DMBT1: variants seen among roughly 807,000 people sequenced by gnomAD.
The protein encoded by DMBT1 is deleted in malignant brain tumors 1, also known as scavenger receptor cysteine-rich domain-containing protein DMBT1.
Under a neutral mutation model 252.9 loss-of-function variants are expected in DMBT1, and 198 were observed. The ratio of observed to expected loss-of-function variants is 0.78; its 90% CI spans 0.70 to 0.88. The LOEUF is 0.88. Ranked by LOEUF, DMBT1 falls within the 40% of genes least tolerant of loss-of-function variation. The pLI is 0.00. For missense variants in DMBT1, 2,432 were observed against 2,404.7 expected (o/e 1.01, Z -0.24); for synonymous variants, 990 against 942.7 (o/e 1.05, Z -0.92).
chr10:122,640,956 C>T (rs925184407), intron 55 of DMBT1, among the ~76,000 whole-genome samples: 1 of 152,174 alleles, frequency 6.6e-6, no homozygotes, highest in East Asian at 1.9e-4. Context: ...GATAATGACA[C>T]GCACATTGTA....
intron 1 of DMBT1, among the ~76,000 whole-genome samples, chr10:122,561,895 C>A (rs1470618760): frequency 1.0e-5 from 1 of 95,912 alleles, no homozygotes; most frequent in Non-Finnish European, 2.3e-5. Flanking sequence ...CTATTATCAC[C>A]TTTCTCTCTG....
chr10:122,590,789 G>C (rs2097843659), intron 18 of DMBT1, 95 bp downstream of exon 18: 1 of 1,433,728 alleles, frequency 7.0e-7, no homozygotes, highest in South Asian at 1.3e-5. Flanking sequence ...TACCTGTGTG[G>C]ATACTGTGGG....
At chr10:122,617,536 C>A (rs1402296797) in intron 40 of DMBT1, among the ~76,000 whole-genome samples, 1 of 151,586 alleles carries the variant, frequency 6.6e-6, no homozygotes, top group African/African-American at 2.4e-5. Flanking sequence ...CCTAATCCTG[C>A]TGGGACCTCT....
In DMBT1 at chr10:122,617,171, T is replaced by G. The variant is rs140439593; in HGVS notation, c.4859-57T>G. 6.0e-3 allele frequency: 9,290 copies of G among 1,560,360 alleles called. 62 individuals carry two copies. Among genetic ancestry groups the G allele is most frequent in the Non-Finnish European group, 7.4e-3 (8,459 of 1,136,712 alleles). On this transcript the variant is annotated intron_variant, in intron 39 of 55. Transcript: ENST00000338354. ...TTCCCCCTCCCAGAGAACCTTTTGT[T>G]CTGTGCCTTTTCCCTTCAAGTCTAA...
Position 122,636,206 on chromosome 10 carries a change from C to A in DMBT1, c.6757+7C>A. 6.2e-7 allele frequency: 1 copy of A among 1,609,486 alleles called. No homozygotes were observed. Among genetic ancestry groups the A allele is most frequent in the Non-Finnish European group, 8.5e-7 (1 of 1,176,418 alleles). ...CCCTCCAATGACAGCACCAGTAAGT[C>A]CCCTTGTGGAAATGCTCTGTTGGGA... On this transcript the variant is annotated splice_region_variant and intron_variant, in intron 53 of 55. Coordinates refer to ENST00000338354, the MANE Select transcript of DMBT1 (RefSeq NM_001377530.1).
At chr10:122,589,604 C>A (rs1012922283) in intron 17 of DMBT1, among the ~76,000 whole-genome samples, 2 of 148,490 alleles carry the variant, frequency 1.3e-5, no homozygotes, top group Admixed American at 6.7e-5. Flanking sequence ...AAGAAAGAGG[C>A]AGATTTGGGT....
At position 122,629,956 on chromosome 10, in the gene DMBT1, T is replaced by C. The variant is rs755440936; in HGVS notation, c.5785T>C (p.Ser1929Pro). ...AKCVWEIEVN[S>P]GYRINLGFSN... is the part of the protein sequence containing the mutation. Reference sequence around the variant, plus strand: ...GTGTGTTTGGGAAATAGAAGTGAATTCTGGTTATCGCATAAACCTGGGCTT... The same window carrying C: ...GTGTGTTTGGGAAATAGAAGTGAATCCTGGTTATCGCATAAACCTGGGCTT... The change falls in exon 47 of 56, where the codon TCT becomes CCT. Residue 1929 changes from serine (S) to proline (P), a missense_variant. Transcript: ENST00000338354. 6.2e-7 allele frequency: 1 copy of C among 1,613,906 alleles called. No individual in the cohort carries two copies. The highest frequency in any genetic ancestry group is 1.3e-5 in the African/African-American group (1 of 74,918).
At chr10:122,592,945 T>G (rs2097861537) in intron 20 of DMBT1, among the ~76,000 whole-genome samples, 3 of 148,310 alleles carry the variant, frequency 2.0e-5, no homozygotes, top group Admixed American at 2.0e-4. Flanking sequence ...GACAGCAAGG[T>G]AGGGGAGGAA....
At chr10:122,623,147 A>T (rs1336391062) in intron 44 of DMBT1, among the ~76,000 whole-genome samples, 1 of 152,028 alleles carries the variant, frequency 6.6e-6, no homozygotes, top group Non-Finnish European at 1.5e-5. Context: ...GTCACTTTCT[A>T]TGAATGGAAT....
rs191096798 is a variant in DMBT1, at chr10:122,630,845, C to T, written c.6026-116C>T. On this transcript the variant is annotated intron_variant, in intron 48 of 55. Coordinates refer to ENST00000338354, the MANE Select transcript of DMBT1 (RefSeq NM_001377530.1). ...CCTCCACCCCAGCTTTTCCACATTTCTATTTGGCGACTTTAGAGGTGGGAA... is the reference window on the plus strand; with the variant it reads ...CCTCCACCCCAGCTTTTCCACATTTTTATTTGGCGACTTTAGAGGTGGGAA... 11 of 1,180,018 alleles carry T rather than the reference C, an allele frequency of 9.3e-6. No individual in the cohort carries two copies. The East Asian group carries it at 2.5e-4, about 27-fold the overall frequency. The allele number at this position is 1,180,018 out of a possible 1,614,324, so 73.1% of individuals were successfully genotyped here.
chr10:122,626,183 A>G (rs2098117762), intron 46 of DMBT1, among the ~76,000 whole-genome samples: 1 of 152,222 alleles, frequency 6.6e-6, no homozygotes, highest in African/African-American at 2.4e-5. Context: ...GGTATCTCCA[A>G]AGCTTTAGGA....
chr10:122,577,378 G>A (rs1453663785), intron 7 of DMBT1, among the ~76,000 whole-genome samples: 1 of 152,208 alleles, frequency 6.6e-6, no homozygotes, highest in South Asian at 2.1e-4. Context: ...GCAGTGAGTC[G>A]CAAATGGTGG....
At position 122,593,567 on chromosome 10, in the gene DMBT1, A is replaced by T. The variant is rs749416819; in HGVS notation, c.2501-2A>T. ...TCTGACCTTCTCTTCTCTTTCTCACAGTTTCCCAGTCCCGGCCGACACCCA... is the reference window on the plus strand; with the variant it reads ...TCTGACCTTCTCTTCTCTTTCTCACTGTTTCCCAGTCCCGGCCGACACCCA... On this transcript the variant is annotated splice_acceptor_variant, in intron 20 of 55. Coordinates refer to ENST00000338354, the MANE Select transcript of DMBT1 (RefSeq NM_001377530.1). LOFTEE classifies it high-confidence loss of function. The T allele has an allele frequency of 1.9e-6, 3 of 1,586,300 alleles. No individual in the cohort carries two copies. Among genetic ancestry groups the T allele is most frequent in the Non-Finnish European group, 2.6e-6 (3 of 1,164,802 alleles).
At chr10:122,573,859 A>G (rs1326685279) in intron 6 of DMBT1, 97 bp downstream of exon 6, 1 of 1,483,970 alleles carries the variant, frequency 6.7e-7, no homozygotes, top group Non-Finnish European at 9.4e-7. Flanking sequence ...CATAGAAAGT[A>G]GGGTGCTTAG....
In DMBT1 at chr10:122,632,905, C is replaced by G; in HGVS notation, c.6397+15C>G. ...CCGTCCAAACAGTAAGTTCTGAGCT[C>G]CCTGACAAGTCTGTGGCAGAGTGGC... On this transcript the variant is annotated intron_variant, in intron 51 of 55. Transcript: ENST00000338354. 6.2e-7 allele frequency: 1 copy of G among 1,613,832 alleles called. No homozygotes were observed. The highest frequency in any genetic ancestry group is 1.1e-5 in the South Asian group (1 of 90,992).
At chr10:122,621,425 G>A in intron 44 of DMBT1, 45 bp downstream of exon 44, 4 of 1,612,330 alleles carry the variant, frequency 2.5e-6, no homozygotes, top group Non-Finnish European at 3.4e-6. Flanking sequence ...GGTGGAGTTT[G>A]CTCCAGAAGA....
At chr10:122,599,952 A>T (rs2097925388) in intron 26 of DMBT1, 112 bp from the exon 27 acceptor site, 2 of 1,451,110 alleles carry the variant, frequency 1.4e-6, no homozygotes, top group Middle Eastern at 1.8e-4. Flanking sequence ...CCTGTGTGAT[A>T]GGAACTAGGA....
In DMBT1 at chr10:122,576,419, C is replaced by A. The variant is rs758746677; in HGVS notation, c.304C>A (p.Leu102Met). The A allele has an allele frequency of 1.9e-6, 3 of 1,613,868 alleles. No individual in the cohort carries two copies. The change falls in exon 7 of 56, where the codon CTG becomes ATG. Residue 102 changes from leucine to methionine, a missense_variant. Around this residue, in one of 3 missense-constraint regions of DMBT1, gnomAD observed 1,264 missense variants for 1,082.2 expected, o/e 1.17. Transcript: ENST00000338354. ...VAEGSDSGLA[L>M]RLVNGDGRCQ... ...TCTAGGATCTGATTCTGGTTTGGCCCTGAGGCTGGTGAATGGAGATGGCAG... is the reference window on the plus strand; with the variant it reads ...TCTAGGATCTGATTCTGGTTTGGCCATGAGGCTGGTGAATGGAGATGGCAG...
At chr10:122,593,185 C>T (rs1287857860) in intron 20 of DMBT1, among the ~76,000 whole-genome samples, 1 of 148,908 alleles carries the variant, frequency 6.7e-6, no homozygotes, top group East Asian at 2.1e-4. Flanking sequence ...GGGCAGCCCC[C>T]ATGAGACAGG....
Sources: gnomAD v4.1 joint callset for allele counts (sites outside exome capture counted in the v4.1 genomes callset) on GRCh38, gnomAD v4.1.1 for gene constraint, gnomAD v4.1.1 regional missense constraint, MANE v1.5 for transcripts, NCBI Gene and HGNC (gene_info 2026-07-23, HGNC 2026-07-21) for gene names.